Variants in STX17 observed in about 807,000 individuals in gnomAD.
STX17 encodes syntaxin 17.
A neutral mutation model predicts 35.9 loss-of-function variants in STX17; 29 were observed. The ratio of observed to expected loss-of-function variants is 0.81; its 90% CI spans 0.60 to 1.10. The LOEUF (loss-of-function observed/expected upper bound fraction) is 1.10, where lower values mean the gene tolerates loss of function less well. Among genes scored for constraint, STX17 ranks in the 50% least tolerant of loss-of-function variants. STX17 has a pLI of 0.00. For synonymous variants in STX17, 92 were observed against 118.3 expected, an observed-to-expected ratio of 0.78 and a Z score of 1.44; for missense variants, 312 against 352.3, an observed-to-expected ratio of 0.89 and a Z score of 0.92.
At chr9:99,916,412 T>C (rs1828771463) in intron 2 of STX17, among the ~76,000 whole-genome samples, 1 of 116,902 alleles carries the variant, frequency 8.6e-6, no homozygotes, top group Non-Finnish European at 1.9e-5. Context: ...TATTTATTTA[T>C]TTATTTATTT....
Position 99,968,508 on chromosome 9 carries a change from C to A in STX17, c.744C>A (p.Gly248=). 1 of 1,612,384 alleles carries A rather than the reference C, an allele frequency of 6.2e-7. No homozygotes were observed. The highest frequency in any genetic ancestry group is 8.5e-7 in the Non-Finnish European group (1 of 1,179,110). The change falls in exon 8 of 8, where the codon GGC becomes GGA. Residue 248 remains glycine (G), a synonymous_variant. Coordinates refer to ENST00000259400, the MANE Select transcript of STX17 (RefSeq NM_017919.3). ...GGGGAATGGTAGGGGGTCCTATTGGCCTCCTTGCAGGCTTCAAAGTGGCAG... is the reference window on the plus strand; with the variant it reads ...GGGGAATGGTAGGGGGTCCTATTGGACTCCTTGCAGGCTTCAAAGTGGCAG... The part of the protein sequence containing the change: ...LIGGMVGGPI[G]LLAGFKVAGI...
intron 3 of STX17, among the ~76,000 whole-genome samples, chr9:99,946,619 T>G (rs1430888680): frequency 6.6e-6 from 1 of 152,212 alleles, no homozygotes. Flanking sequence ...TGGGATTAAT[T>G]GTTATTTTTG....
At chr9:99,932,660 C>T (rs556648409) in intron 3 of STX17, among the ~76,000 whole-genome samples, 7 of 152,172 alleles carry the variant, frequency 4.6e-5, no homozygotes, top group South Asian at 2.1e-4. Flanking sequence ...TTAAAATTTG[C>T]GTATATATTT....
rs540600453 is a variant in STX17 at position 99,970,577 on chromosome 9, A to G, written c.*1904A>G. Among the ~76,000 whole-genome samples, 1 of 152,296 alleles carries G rather than the reference A, an allele frequency of 6.6e-6. No individual in the cohort carries two copies. Among genetic ancestry groups the G allele is most frequent in the African/African-American group, 2.4e-5 (1 of 41,566 alleles). ...ATCAGAACTCACCCAGGCACATACT[A>G]AAGCAAGATTCCTAAACCTCAGTTC... On this transcript the variant is annotated 3_prime_UTR_variant, in exon 8 of 8. Coordinates refer to ENST00000259400, the MANE Select transcript of STX17 (RefSeq NM_017919.3).
Position 99,971,824 on chromosome 9 carries a change from C to T in STX17, c.*3151C>T, listed in dbSNP as rs1393461209. Among the ~76,000 whole-genome samples, 1 of 147,934 alleles carries T rather than the reference C, an allele frequency of 6.8e-6. No homozygotes were observed. The highest frequency in any genetic ancestry group is 2.5e-5 in the African/African-American group (1 of 39,550). ...TCACTTGAGCCCAGGAGTTTGAGAC[C>T]AGCCTGGGCAACATAGTGAGACTCT... On this transcript the variant is annotated 3_prime_UTR_variant, in exon 8 of 8. Transcript: ENST00000259400.
In STX17 at chr9:99,970,688, C is replaced by G. The variant is rs1022816426; in HGVS notation, c.*2015C>G. On this transcript the variant is annotated 3_prime_UTR_variant, in exon 8 of 8. Coordinates refer to ENST00000259400, the MANE Select transcript of STX17 (RefSeq NM_017919.3). Reference sequence around the variant, plus strand: ...CAGTTACATCAAGATTCTGCTGTGTCATTTAATTCTGAAACTCCCAGTATT... The same window carrying G: ...CAGTTACATCAAGATTCTGCTGTGTGATTTAATTCTGAAACTCCCAGTATT... Among the ~76,000 whole-genome samples the G allele has an allele frequency of 6.6e-6, 1 of 152,206 alleles. No homozygotes were observed. The highest frequency in any genetic ancestry group is 1.5e-5 in the Non-Finnish European group (1 of 68,040).
intron 3 of STX17, among the ~76,000 whole-genome samples, chr9:99,942,590 G>A (rs1345537979): frequency 6.6e-6 from 1 of 152,108 alleles, no homozygotes; most frequent in Non-Finnish European, 1.5e-5. Flanking sequence ...GGGCTCGAGA[G>A]TTGTGCCATG....
chr9:99,948,844 A>T (rs920933977), intron 3 of STX17, among the ~76,000 whole-genome samples: 16 of 152,288 alleles, frequency 1.1e-4, no homozygotes, highest in African/African-American at 3.4e-4. Context: ...GGACAGACAT[A>T]TGTACAAATT....
chr9:99,908,078 G>T (rs942352211), intron 1 of STX17, among the ~76,000 whole-genome samples: 1 of 152,112 alleles, frequency 6.6e-6, no homozygotes, highest in African/African-American at 2.4e-5. Flanking sequence ...TTAGATTAAG[G>T]TTATACATTT....
intron 2 of STX17, among the ~76,000 whole-genome samples, chr9:99,925,756 C>CT (rs1276571031): frequency 6.6e-6 from 1 of 151,894 alleles, no homozygotes; most frequent in East Asian, 1.9e-4. Flanking sequence ...TTTCATGTGT[C>CT]TTTTTTCTTC....
Position 99,949,710 on chromosome 9 carries a change from T to C in STX17, c.190-1350T>C, listed in dbSNP as rs533754358. Among the ~76,000 whole-genome samples, 29 of 152,172 alleles carry C rather than the reference T, an allele frequency of 1.9e-4. No individual in the cohort carries two copies. The South Asian group carries it at 4.4e-3, about 23-fold the overall frequency. ...GTGAAAACACTTTAGGGGAAAATAA[T>C]TTAAAATATATGAATAGACATATAA... On this transcript the variant is annotated intron_variant, in intron 3 of 7. Transcript: ENST00000259400.
intron 6 of STX17, among the ~76,000 whole-genome samples, chr9:99,964,768 G>A (rs967550342): frequency 1.1e-4 from 16 of 152,134 alleles, no homozygotes; most frequent in Non-Finnish European, 2.2e-4. Flanking sequence ...TAGTGGACAG[G>A]TAGTGACCCA....
intron 4 of STX17, among the ~76,000 whole-genome samples, chr9:99,958,037 A>G (rs1422627407): frequency 6.6e-6 from 1 of 152,098 alleles, no homozygotes; most frequent in Non-Finnish European, 1.5e-5. Context: ...TAACATATTG[A>G]TCTTTTGTGA....
In STX17 at chr9:99,944,676, G is replaced by A. The variant is rs150381719; in HGVS notation, c.190-6384G>A. On this transcript the variant is annotated intron_variant, in intron 3 of 7. Coordinates refer to ENST00000259400, the MANE Select transcript of STX17 (RefSeq NM_017919.3). ...ATTACAGGTGCCCACCACCACACCC[G>A]GCTAATTTTTTGTATTTTTAGTAGA... Among the ~76,000 whole-genome samples, 84 of 151,778 alleles carry A rather than the reference G, an allele frequency of 5.5e-4. 1 individual carries two copies. In the East Asian group the frequency reaches 0.014, roughly 25 times the overall value.
chr9:99,951,057 T>C lies in STX17; in HGVS notation c.190-3T>C. 3 of 1,600,132 alleles carry C rather than the reference T, an allele frequency of 1.9e-6. No individual in the cohort carries two copies. The highest frequency in any genetic ancestry group is 2.6e-6 in the Non-Finnish European group (3 of 1,174,220). On this transcript the variant is annotated splice_region_variant and splice_polypyrimidine_tract_variant and intron_variant, in intron 3 of 7. Coordinates refer to ENST00000259400, the MANE Select transcript of STX17 (RefSeq NM_017919.3). ...TGGCATTAATGATTTTTTTCTTTTA[T>C]AGCAACTCCGATCCAATATCCGAGA...
chr9:99,971,374 CG>C lies in STX17; in HGVS notation c.*2702del, dbSNP rs1830012451. Among the ~76,000 whole-genome samples the C allele has an allele frequency of 6.6e-6, 1 of 151,072 alleles. No individual in the cohort carries two copies. Among genetic ancestry groups the C allele is most frequent in the Admixed American group, 6.6e-5 (1 of 15,168 alleles). On this transcript the variant is annotated 3_prime_UTR_variant, in exon 8 of 8. Coordinates refer to ENST00000259400, the MANE Select transcript of STX17 (RefSeq NM_017919.3). ...TTTGGCTGTAACCCACAGTAAAAAA[CG>C]CATTTATATCAAACCTTAGAATATG...
Position 99,972,116 on chromosome 9 carries a change from G to A in STX17, c.*3443G>A, listed in dbSNP as rs979643960. Among the ~76,000 whole-genome samples, 2 of 152,176 alleles carry A rather than the reference G, an allele frequency of 1.3e-5. No individual in the cohort carries two copies. The highest frequency in any genetic ancestry group is 2.9e-5 in the Non-Finnish European group (2 of 68,022). Reference sequence around the variant, plus strand: ...TTACTGAGTGTCCAGCAGCCTCAAAGTTTTTAATGGTAGCTGATGCAGACA... The same window carrying A: ...TTACTGAGTGTCCAGCAGCCTCAAAATTTTTAATGGTAGCTGATGCAGACA... On this transcript the variant is annotated 3_prime_UTR_variant, in exon 8 of 8. Transcript: ENST00000259400.
chr9:99,969,893 G>A lies in STX17; in HGVS notation c.*1220G>A, dbSNP rs945467134. On this transcript the variant is annotated 3_prime_UTR_variant, in exon 8 of 8. Coordinates refer to ENST00000259400, the MANE Select transcript of STX17 (RefSeq NM_017919.3). Reference sequence around the variant, plus strand: ...AAAGACGCATGCAAGACTCAGACCCGGGGAATGGTGTGGTGCTAATCTCAA... The same window carrying A: ...AAAGACGCATGCAAGACTCAGACCCAGGGAATGGTGTGGTGCTAATCTCAA... The A allele has an allele frequency of 3.3e-5, 5 of 152,550 alleles. No homozygotes were observed. The highest frequency in any genetic ancestry group is 4.8e-5 in the African/African-American group (2 of 41,366). 9.4% of individuals were successfully genotyped at this position (152,550 alleles called of 1,614,324 possible).
At chr9:99,968,296 T>C (rs1829957498) in intron 7 of STX17, 138 bp from the exon 8 acceptor site, 1 of 1,096,588 alleles carries the variant, frequency 9.1e-7, no homozygotes, top group South Asian at 2.5e-5. Context: ...TTTTCCCCCC[T>C]ACAAGTACAG....
Sources: allele counts gnomAD v4.1 joint callset (sites outside exome capture counted in the v4.1 genomes callset), GRCh38; gene constraint gnomAD v4.1.1; transcripts MANE v1.5; gene names NCBI Gene and HGNC (gene_info 2026-07-23, HGNC 2026-07-21).